CLMP: variants seen among roughly 807,000 people sequenced by gnomAD.
CLMP encodes the protein CXADR-like membrane protein.
CLMP carries 27 observed loss-of-function variants against 45.2 expected under a neutral mutation model. The ratio of observed to expected loss-of-function variants is 0.60; its 90% CI spans 0.44 to 0.82. The LOEUF (loss-of-function observed/expected upper bound fraction) is 0.82, where lower values mean the gene tolerates loss of function less well. Ranked by LOEUF, CLMP falls within the 40% of genes least tolerant of loss-of-function variation. The pLI is 0.00. For missense variants in CLMP, 403 were observed against 448.4 expected, an observed-to-expected ratio of 0.90 and a Z score of 0.91; for synonymous variants, 167 against 171.4, an observed-to-expected ratio of 0.97 and a Z score of 0.20.
chr11:123,070,871 A>G lies in CLMP; in HGVS notation c.*2603T>C, dbSNP rs1485105875. ...TTATATGTTAATTCCTCAATGTCTC[A>G]TTTCCCACCTTTTTTAGAGGAAGAA... On this transcript the variant is annotated 3_prime_UTR_variant, in exon 7 of 7. Transcript: ENST00000448775. 6.6e-6 allele frequency: 1 copy of G among 152,204 alleles called. No individual in the cohort carries two copies. The highest frequency in any genetic ancestry group is 1.5e-5 in the Non-Finnish European group (1 of 68,036). The allele number at this position is 152,204 out of a possible 1,614,324, so 9.4% of individuals were successfully genotyped here. A position where few individuals can be genotyped will look rare whatever the true frequency, so the allele number is the denominator to read the frequency against.
intron 3 of CLMP, 130 bp downstream of exon 3, chr11:123,084,382 C>G (rs537987811): frequency 2.9e-6 from 2 of 694,946 alleles, no homozygotes; most frequent in East Asian, 2.7e-5. Flanking sequence ...GGGAACTGGA[C>G]GAGGTGACCT....
intron 1 of CLMP, among the ~76,000 whole-genome samples, chr11:123,156,327 A>G (rs186137593): frequency 6.6e-6 from 1 of 152,262 alleles, no homozygotes; most frequent in Non-Finnish European, 1.5e-5. Context: ...AGGCTGTGTC[A>G]TTTTATGACA....
At chr11:123,095,077 A>G (rs1865974770) in intron 2 of CLMP, among the ~76,000 whole-genome samples, 1 of 152,252 alleles carries the variant, frequency 6.6e-6, no homozygotes, top group African/African-American at 2.4e-5. Flanking sequence ...GAATGATTGA[A>G]TAAATGGACA....
chr11:123,098,797 C>T (rs1170713349), intron 1 of CLMP, among the ~76,000 whole-genome samples: 1 of 151,466 alleles, frequency 6.6e-6, no homozygotes, highest in Non-Finnish European at 1.5e-5. Flanking sequence ...ACCTCCGTCC[C>T]CCAGGTTCAA....
intron 1 of CLMP, among the ~76,000 whole-genome samples, chr11:123,123,725 G>C (rs970468813): frequency 6.6e-6 from 1 of 152,162 alleles, no homozygotes; most frequent in Non-Finnish European, 1.5e-5. Context: ...TGTGAGAATA[G>C]ACACAATCCA....
chr11:123,095,297 A>C (rs1406473165), intron 2 of CLMP, among the ~76,000 whole-genome samples: 8 of 124,846 alleles, frequency 6.4e-5, no homozygotes, highest in Admixed American at 6.3e-4. Context: ...TTATCCAGTG[A>C]AACTTTTTTT....
At chr11:123,106,422 TGTGCGCGCGCGCGC>T (rs373021408) in intron 1 of CLMP, among the ~76,000 whole-genome samples, 1,707 of 86,282 alleles carry the variant, frequency 0.02, 15 homozygotes, top group African/African-American at 0.039. Context: ...TGTGTGTGTG[TGTGCGCGCGCGCGC>T]GCGCACGTGC....
chr11:123,148,304 G>A (rs1375162298), intron 1 of CLMP, among the ~76,000 whole-genome samples: 1 of 152,180 alleles, frequency 6.6e-6, no homozygotes, highest in Non-Finnish European at 1.5e-5. Flanking sequence ...ATGCCCTGCT[G>A]TCACAGATTT....
At chr11:123,089,532 G>A (rs888663815) in intron 2 of CLMP, among the ~76,000 whole-genome samples, 7 of 151,736 alleles carry the variant, frequency 4.6e-5, no homozygotes, top group African/African-American at 1.7e-4. Context: ...TTGGGAGGCC[G>A]AGGCGGGCGG....
chr11:123,135,172 A>G (rs1371523602), intron 1 of CLMP, among the ~76,000 whole-genome samples: 1 of 149,972 alleles, frequency 6.7e-6, no homozygotes, highest in African/African-American at 2.5e-5. Flanking sequence ...AGGCAGGAGA[A>G]TGGCTTGAAC....
chr11:123,089,609 C>CA (rs1865903404), intron 2 of CLMP, among the ~76,000 whole-genome samples: 1 of 151,150 alleles, frequency 6.6e-6, no homozygotes, highest in South Asian at 2.1e-4. Flanking sequence ...ACTAAAAATA[C>CA]AAAAAATTAG....
intron 1 of CLMP, among the ~76,000 whole-genome samples, chr11:123,157,820 C>T (rs1028959776): frequency 2.0e-5 from 3 of 150,880 alleles, no homozygotes; most frequent in Non-Finnish European, 2.9e-5. Context: ...GAGACCGGGA[C>T]GCTGGTCTTT....
chr11:123,189,285 ATG>A (rs773747742), intron 1 of CLMP, among the ~76,000 whole-genome samples: 10 of 152,158 alleles, frequency 6.6e-5, no homozygotes, highest in Non-Finnish European at 1.3e-4. Flanking sequence ...CAGAATAACC[ATG>A]TGTCTCCTGG....
At chr11:123,147,816 C>CTTT (rs34811211) in intron 1 of CLMP, among the ~76,000 whole-genome samples, 1 of 143,168 alleles carries the variant, frequency 7.0e-6, no homozygotes, top group South Asian at 2.2e-4. Context: ...AAGACACTGA[C>CTTT]TTTTTTTTTT....
intron 1 of CLMP, among the ~76,000 whole-genome samples, chr11:123,170,170 G>T (rs1452092203): frequency 6.6e-6 from 1 of 152,102 alleles, no homozygotes; most frequent in Non-Finnish European, 1.5e-5. Flanking sequence ...TCAAGATCTG[G>T]CAAGGAAATA....
At chr11:123,098,025 A>T in intron 1 of CLMP, 73 bp from the exon 2 acceptor site, 1 of 1,273,334 alleles carries the variant, frequency 7.9e-7, no homozygotes, top group Middle Eastern at 2.1e-4. Flanking sequence ...TATGACAACA[A>T]AGAATTATGG....
At chr11:123,141,934 C>T (rs1358400374) in intron 1 of CLMP, among the ~76,000 whole-genome samples, 11 of 151,038 alleles carry the variant, frequency 7.3e-5, no homozygotes. Flanking sequence ...GGGCTACAAT[C>T]TCTGGTAGAG....
At chr11:123,129,133 C>T (rs1403667817) in intron 1 of CLMP, among the ~76,000 whole-genome samples, 1 of 151,796 alleles carries the variant, frequency 6.6e-6, no homozygotes, top group Non-Finnish European at 1.5e-5. Flanking sequence ...CCACGCTGGC[C>T]AACATGGTGA....
intron 1 of CLMP, among the ~76,000 whole-genome samples, chr11:123,165,158 C>CATA (rs1861540635): frequency 6.6e-6 from 1 of 152,162 alleles, no homozygotes; most frequent in Non-Finnish European, 1.5e-5. Flanking sequence ...TCATATCCAC[C>CATA]ATAGCATCTT....
Sources: gnomAD v4.1 joint callset for allele counts (sites outside exome capture counted in the v4.1 genomes callset) on GRCh38, gnomAD v4.1.1 for gene constraint, MANE v1.5 for transcripts, NCBI Gene and HGNC (gene_info 2026-07-23, HGNC 2026-07-21) for gene names.